Variants in SORCS3 observed in about 807,000 individuals in gnomAD.
SORCS3 encodes sortilin related VPS10 domain containing receptor 3, also known as VPS10 domain-containing receptor SorCS3.
A neutral mutation model predicts 146.3 loss-of-function variants in SORCS3; 57 were observed. The ratio of observed to expected loss-of-function variants is 0.39; its 90% CI spans 0.31 to 0.49. The LOEUF (loss-of-function observed/expected upper bound fraction) is 0.49. SORCS3 is among the 20% of genes least tolerant of loss of function. The pLI, the probability that SORCS3 is intolerant of heterozygous loss-of-function variation, is 0.92. For missense variants in SORCS3, 1,341 were observed against 1,575.5 expected (o/e 0.85, Z 2.52); for synonymous variants, 653 against 618.5 (o/e 1.06, Z -0.83).
At position 104,910,238 on chromosome 10, in the gene SORCS3, CA is replaced by C. The variant is rs555041081; in HGVS notation, c.696-5593del. Among the ~76,000 whole-genome samples, 106 of 152,232 alleles carry C rather than the reference CA, an allele frequency of 7.0e-4. 1 individual carries two copies. In the East Asian group the frequency reaches 0.017, roughly 25 times the overall value. ...CAGGTGCCTGAGCAGGCGGTGAAACCAAGGAGCAGTGTCTCTTTGGAGGTAC... is the reference window on the plus strand; with the variant it reads ...CAGGTGCCTGAGCAGGCGGTGAAACCAGGAGCAGTGTCTCTTTGGAGGTAC... On this transcript the variant is annotated intron_variant, in intron 2 of 26. Coordinates refer to ENST00000369701, the MANE Select transcript of SORCS3 (RefSeq NM_014978.3).
intron 1 of SORCS3, 62 bp downstream of exon 1, chr10:104,642,016 G>GCCCCCCCCCC: frequency 9.2e-7 from 1 of 1,085,826 alleles, no homozygotes; most frequent in Admixed American, 2.7e-5. Flanking sequence ...ATGGGGGGGT[G>GCCCCCCCCCC]GGTGGGAGCG....
intron 4 of SORCS3, among the ~76,000 whole-genome samples, chr10:105,019,347 A>G (rs1291863894): frequency 6.6e-6 from 1 of 152,172 alleles, no homozygotes; most frequent in Non-Finnish European, 1.5e-5. Flanking sequence ...AGTTGTCTCC[A>G]TTGCCCACAC....
chr10:104,767,761 C>T (rs2017198490), intron 1 of SORCS3, among the ~76,000 whole-genome samples: 1 of 144,054 alleles, frequency 6.9e-6, no homozygotes, highest in African/African-American at 2.6e-5. Context: ...TTCTGCTTCC[C>T]CTTCCCTTTC....
chr10:105,070,165 T>C (rs888425921), intron 5 of SORCS3, among the ~76,000 whole-genome samples: 1 of 152,264 alleles, frequency 6.6e-6, no homozygotes, highest in Admixed American at 6.5e-5. Flanking sequence ...TTCTGCTCCA[T>C]TTAAATTCCC....
At chr10:105,186,327 T>A (rs779685858) in intron 14 of SORCS3, among the ~76,000 whole-genome samples, 2 of 152,222 alleles carry the variant, frequency 1.3e-5, no homozygotes, top group Non-Finnish European at 2.9e-5. Context: ...TGCAACTGTG[T>A]CTTATTTATT....
intron 1 of SORCS3, among the ~76,000 whole-genome samples, chr10:104,736,807 T>G (rs1266216342): frequency 1.3e-5 from 2 of 151,930 alleles, no homozygotes; most frequent in Admixed American, 6.5e-5. Context: ...ATACTTAAAG[T>G]TTTCGGGTAC....
chr10:105,254,433 A>C (rs2056918642), intron 23 of SORCS3, among the ~76,000 whole-genome samples: 1 of 152,194 alleles, frequency 6.6e-6, no homozygotes, highest in Non-Finnish European at 1.5e-5. Context: ...CAGTGACTGT[A>C]GGCATGCCTC....
At chr10:105,198,689 G>A (rs1174044698) in intron 14 of SORCS3, among the ~76,000 whole-genome samples, 1 of 152,092 alleles carries the variant, frequency 6.6e-6, no homozygotes, top group Non-Finnish European at 1.5e-5. Flanking sequence ...CATATGTTGG[G>A]TATTCTAGGC....
chr10:105,081,802 T>C (rs537101641), intron 5 of SORCS3, among the ~76,000 whole-genome samples: 1 of 152,200 alleles, frequency 6.6e-6, no homozygotes, highest in South Asian at 2.1e-4. Flanking sequence ...ATTATGGAGA[T>C]TTTCAGATGA....
At chr10:104,815,226 G>C (rs146018830) in intron 1 of SORCS3, among the ~76,000 whole-genome samples, 311 of 152,194 alleles carry the variant, frequency 2.0e-3, no homozygotes, top group Middle Eastern at 0.01. Flanking sequence ...TCAGGAGACC[G>C]AGGCCAGTGG....
At chr10:105,128,280 C>T (rs2055990584) in intron 7 of SORCS3, among the ~76,000 whole-genome samples, 1 of 152,084 alleles carries the variant, frequency 6.6e-6, no homozygotes, top group African/African-American at 2.4e-5. Context: ...ATTCATGGCT[C>T]TTGGGGAGGC....
intron 15 of SORCS3, 28 bp from the exon 16 acceptor site, chr10:105,201,092 C>T (rs1430405118): frequency 1.9e-6 from 3 of 1,606,020 alleles, no homozygotes; most frequent in South Asian, 1.1e-5. Context: ...GTTTTTCTGT[C>T]TCTCACACTA....
At chr10:104,676,190 C>G (rs776958243) in intron 1 of SORCS3, among the ~76,000 whole-genome samples, 1 of 152,012 alleles carries the variant, frequency 6.6e-6, no homozygotes, top group Non-Finnish European at 1.5e-5. Context: ...TTTATTTATA[C>G]CTTTTATTTC....
chr10:104,849,304 CG>C (rs1246228277), intron 2 of SORCS3, among the ~76,000 whole-genome samples: 2 of 149,410 alleles, frequency 1.3e-5, no homozygotes, highest in African/African-American at 4.9e-5. Context: ...CCCAGCTACT[CG>C]GGAGGCTGAG....
chr10:105,242,420 T>TTA lies in SORCS3; in HGVS notation c.2869-3116_2869-3115dup, dbSNP rs1554889436. Among the ~76,000 whole-genome samples, 401 of 92,926 alleles carry TTA rather than the reference T, an allele frequency of 4.3e-3. 3 individuals are homozygous for TTA. The highest frequency in any genetic ancestry group is 0.024 in the South Asian group (61 of 2,556). The allele number at this position is 92,926 out of a possible 152,430, so 61.0% of individuals were successfully genotyped here. ...TATTTATACATATATTTATATATAT[T>TTA]TATATATTTATACATATATTTATAT... On this transcript the variant is annotated intron_variant, in intron 20 of 26. Transcript: ENST00000369701.
At chr10:104,964,293 C>T (rs2054814518) in intron 3 of SORCS3, among the ~76,000 whole-genome samples, 1 of 152,174 alleles carries the variant, frequency 6.6e-6, no homozygotes, top group Non-Finnish European at 1.5e-5. Context: ...CATTCTGTTC[C>T]AGCCTACTGG....
At chr10:104,983,854 T>C (rs145135301) in intron 4 of SORCS3, among the ~76,000 whole-genome samples, 1 of 152,188 alleles carries the variant, frequency 6.6e-6, no homozygotes, top group East Asian at 1.9e-4. Context: ...GACCACTCAC[T>C]GTGGTATGAA....
At position 105,262,394 on chromosome 10, in the gene SORCS3, G is replaced by C; in HGVS notation, c.3507G>C (p.Gly1169=). The C allele has an allele frequency of 1.2e-6, 2 of 1,614,028 alleles. No individual in the cohort carries two copies. The highest frequency in any genetic ancestry group is 2.7e-5 in the African/African-American group (2 of 75,022). The part of the protein sequence containing the change: ...VQHDKEQEMI[G]SVSQSENAPK... ...ACGACAAGGAGCAGGAGATGATTGG[G>C]TCAGTGAGCCAAAGTGAAAACGCCC... Residue 1169 remains glycine, a synonymous_variant, in exon 26 of 27, where the codon GGG becomes GGC. Transcript: ENST00000369701.
At chr10:105,263,251 A>C (rs1589717118) in intron 26 of SORCS3, 59 bp from the exon 27 acceptor site, 1 of 1,553,576 alleles carries the variant, frequency 6.4e-7, no homozygotes, top group East Asian at 2.2e-5. Flanking sequence ...AATAAAACTA[A>C]GATCCCTGCC....
Sources: gnomAD v4.1 joint callset for allele counts (sites outside exome capture counted in the v4.1 genomes callset) on GRCh38, gnomAD v4.1.1 for gene constraint, MANE v1.5 for transcripts, NCBI Gene and HGNC (gene_info 2026-07-23, HGNC 2026-07-21) for gene names.